GABRG1: variants seen among roughly 807,000 people sequenced by gnomAD.
GABRG1 encodes gamma-aminobutyric acid receptor subunit gamma-1.
Under a neutral mutation model 49.8 loss-of-function variants are expected in GABRG1, and 49 were observed. That is an observed-to-expected ratio of 0.98 (90% confidence interval 0.78 to 1.25). The LOEUF (loss-of-function observed/expected upper bound fraction) is 1.25, where lower values mean the gene tolerates loss of function less well. GABRG1 is among the 50% of genes most tolerant of loss of function. GABRG1 has a pLI of 0.00. For synonymous variants in GABRG1, 232 were observed against 185.1 expected (o/e 1.25, Z -2.06); for missense variants, 552 against 552.3 (o/e 1.00, Z 0.01).
At chr4:46,110,733 G>T (rs1185418000) in intron 1 of GABRG1, among the ~76,000 whole-genome samples, 1 of 150,714 alleles carries the variant, frequency 6.6e-6, no homozygotes, top group African/African-American at 2.4e-5. Flanking sequence ...CATCATATGA[G>T]CATAATTAAA....
At chr4:46,100,530 G>A (rs1033475294) in intron 1 of GABRG1, among the ~76,000 whole-genome samples, 16 of 151,358 alleles carry the variant, frequency 1.1e-4, no homozygotes, top group African/African-American at 3.9e-4. Flanking sequence ...CTTCTGGAAT[G>A]TTTTATTTCC....
intron 2 of GABRG1, among the ~76,000 whole-genome samples, chr4:46,088,841 G>A (rs1349725004): frequency 6.6e-6 from 1 of 150,992 alleles, no homozygotes; most frequent in Non-Finnish European, 1.5e-5. Flanking sequence ...GTGTGTGTGT[G>A]TGTATTCCCA....
chr4:46,074,894 G>A lies in GABRG1; in HGVS notation c.321+9092C>T, dbSNP rs182483651. ...TGTGTAGTACAAAGAACACTGATTG[G>A]ATGGAATGGGAAAATTTTGTCATAA... is the stretch of plus-strand genomic sequence containing the variant. On this transcript the variant is annotated intron_variant, in intron 3 of 8. Coordinates refer to ENST00000295452, the MANE Select transcript of GABRG1 (RefSeq NM_173536.4). Among the ~76,000 whole-genome samples the A allele has an allele frequency of 4.3e-3, 647 of 152,064 alleles. 1 individual carries two copies. Among genetic ancestry groups the A allele is most frequent in the Middle Eastern group, 0.031 (9 of 294 alleles).
intron 3 of GABRG1, among the ~76,000 whole-genome samples, chr4:46,081,682 C>CT (rs1033943720): frequency 1.3e-5 from 2 of 151,796 alleles, no homozygotes; most frequent in Non-Finnish European, 2.9e-5. Context: ...CTTTGGAAGT[C>CT]TTATGGGCTG....
Position 46,097,215 on chromosome 4 carries a change from C to G in GABRG1, c.239G>C (p.Arg80Pro). The change falls in exon 2 of 9, where the codon CGT (arginine) becomes CCT (proline). Residue 80 changes from arginine to proline, a missense_variant. By Grantham distance (103) the Arg-to-Pro change is moderately radical. Coordinates refer to ENST00000295452, the MANE Select transcript of GABRG1 (RefSeq NM_173536.4). ...CTCAAGCTTACCTCCTATATCTGGA[C>G]GAAGTTTATTGTCATAGCCTTGAAG... The part of the protein sequence containing the change: ...SLLQGYDNKL[R>P]PDIGVRPTVI... 6.2e-7 allele frequency: 1 copy of G among 1,607,014 alleles called. No homozygotes were observed. Among genetic ancestry groups the G allele is most frequent in the Admixed American group, 1.7e-5 (1 of 59,152 alleles).
At chr4:46,046,353 C>A (rs1184448775) in intron 8 of GABRG1, among the ~76,000 whole-genome samples, 1 of 152,020 alleles carries the variant, frequency 6.6e-6, no homozygotes, top group African/African-American at 2.4e-5. Flanking sequence ...AGGGAAGCAT[C>A]ATATGGCCAT....
At chr4:46,090,546 A>G (rs543641991) in intron 2 of GABRG1, among the ~76,000 whole-genome samples, 1 of 152,174 alleles carries the variant, frequency 6.6e-6, no homozygotes, top group Non-Finnish European at 1.5e-5. Flanking sequence ...TAGAGAAAAC[A>G]GACACAAAAT....
chr4:46,070,431 T>C (rs968415722), intron 3 of GABRG1, among the ~76,000 whole-genome samples: 1 of 151,998 alleles, frequency 6.6e-6, no homozygotes. Context: ...TTATAAACCC[T>C]ATGAATGAAC....
chr4:46,071,930 T>C (rs750744436), intron 3 of GABRG1, among the ~76,000 whole-genome samples: 8 of 152,060 alleles, frequency 5.3e-5, no homozygotes, highest in Non-Finnish European at 8.8e-5. Context: ...AAGTGCACAG[T>C]GTTTATAAGG....
intron 2 of GABRG1, among the ~76,000 whole-genome samples, chr4:46,093,624 A>G (rs528699776): frequency 6.9e-4 from 105 of 152,020 alleles, no homozygotes; most frequent in Non-Finnish European, 1.4e-3. Flanking sequence ...AAAAGAAATG[A>G]TAAATACTCG....
intron 1 of GABRG1, among the ~76,000 whole-genome samples, chr4:46,100,615 G>T (rs552137135): frequency 6.8e-6 from 1 of 147,140 alleles, no homozygotes; most frequent in Non-Finnish European, 1.5e-5. Flanking sequence ...CAGTTTTATA[G>T]AATGAAGTAT....
At chr4:46,109,834 C>G (rs912783418) in intron 1 of GABRG1, among the ~76,000 whole-genome samples, 1 of 150,944 alleles carries the variant, frequency 6.6e-6, no homozygotes, top group Admixed American at 6.6e-5. Flanking sequence ...AAGAGATCTT[C>G]TTGGTATTGA....
At chr4:46,068,782 T>C (rs542319696) in intron 3 of GABRG1, among the ~76,000 whole-genome samples, 2 of 151,248 alleles carry the variant, frequency 1.3e-5, no homozygotes, top group Non-Finnish European at 1.5e-5. Flanking sequence ...TTGTACTTCA[T>C]GTTCCTGTTC....
At chr4:46,060,755 A>G (rs1948609) in intron 5 of GABRG1, among the ~76,000 whole-genome samples, 3 of 151,748 alleles carry the variant, frequency 2.0e-5, no homozygotes, top group Non-Finnish European at 4.4e-5. Flanking sequence ...CTTGCTCTCT[A>G]GGGTTGTAGC....
At chr4:46,107,525 C>T (rs182789244) in intron 1 of GABRG1, among the ~76,000 whole-genome samples, 339 of 150,764 alleles carry the variant, frequency 2.2e-3, no homozygotes, top group African/African-American at 7.3e-3. Flanking sequence ...CACCATTCCT[C>T]CCACCTCATT....
intron 1 of GABRG1, among the ~76,000 whole-genome samples, chr4:46,117,558 C>T (rs1307594248): frequency 7.1e-6 from 1 of 140,590 alleles, no homozygotes; most frequent in South Asian, 2.1e-4. Context: ...CTGTCTCTCT[C>T]TCTCTCTCTC....
intron 1 of GABRG1, among the ~76,000 whole-genome samples, chr4:46,116,966 T>C (rs1720912720): frequency 1.3e-5 from 2 of 150,486 alleles, no homozygotes; most frequent in Admixed American, 6.7e-5. Flanking sequence ...ATTAATATTA[T>C]AATTATACCC....
Position 46,084,007 on chromosome 4 carries a change from TC to T in GABRG1, c.299del (p.Gly100AspfsTer12). On this transcript the variant is annotated frameshift_variant, in exon 3 of 9. Coordinates refer to ENST00000295452, the MANE Select transcript of GABRG1 (RefSeq NM_173536.4). LOFTEE classifies it high-confidence loss of function. ...IETDVYVNSI[G>X]PVDPINMEYT... ...TTACCATATTAATTGGATCAACTGG[TC>T]CAATGCTGTTTACATAAACATCAGT... is the stretch of plus-strand genomic sequence containing the variant. 6.3e-7 allele frequency: 1 copy of T among 1,578,062 alleles called. No homozygotes were observed. The highest frequency in any genetic ancestry group is 8.7e-7 in the Non-Finnish European group (1 of 1,154,232).
intron 1 of GABRG1, among the ~76,000 whole-genome samples, chr4:46,117,732 A>G (rs966573521): frequency 4.2e-5 from 6 of 144,212 alleles, no homozygotes; most frequent in Admixed American, 7.1e-5. Context: ...ATATACATAT[A>G]TACATATACA....
Sources: allele counts gnomAD v4.1 joint callset (sites outside exome capture counted in the v4.1 genomes callset), GRCh38; gene constraint gnomAD v4.1.1; transcripts MANE v1.5; gene names NCBI Gene and HGNC (gene_info 2026-07-23, HGNC 2026-07-21).